EDA: variants seen among roughly 807,000 people sequenced by gnomAD.
EDA encodes ectodysplasin-A.
EDA carries 2 observed loss-of-function variants against 23.6 expected under a neutral mutation model. That is an observed-to-expected ratio of 0.08 (90% confidence interval 0.03 to 0.27). The LOEUF (loss-of-function observed/expected upper bound fraction) is 0.27, where lower values mean the gene tolerates loss of function less well. Among genes scored for constraint, EDA ranks in the 10% least tolerant of loss-of-function variants. EDA has a pLI of 1.00. For missense variants in EDA, 229 were observed against 324.2 expected, an observed-to-expected ratio of 0.71 and a Z score of 2.26; for synonymous variants, 131 against 132.0, an observed-to-expected ratio of 0.99 and a Z score of 0.05.
intron 1 of EDA, among the ~76,000 whole-genome samples, chrX:69,637,423 C>T (rs1932790034): frequency 9.0e-6 from 1 of 111,478 alleles, no homozygotes; most frequent in African/African-American, 3.3e-5. Flanking sequence ...TTGGGAAAGA[C>T]CTGTATCAGA....
intron 1 of EDA, among the ~76,000 whole-genome samples, chrX:69,732,818 T>G (rs2013091782): frequency 8.9e-6 from 1 of 112,197 alleles, no homozygotes; most frequent in African/African-American, 3.2e-5. Context: ...GGTATCTCAT[T>G]GTGATTTTGA....
chrX:69,773,516 T>C (rs915787322), intron 1 of EDA, among the ~76,000 whole-genome samples: 1 of 111,937 alleles, frequency 8.9e-6, no homozygotes, highest in Non-Finnish European at 1.9e-5. Flanking sequence ...TCCACCATTT[T>C]ACATCCCACC....
chrX:69,991,245 T>C (rs2019585301), intron 2 of EDA, among the ~76,000 whole-genome samples: 1 of 111,752 alleles, frequency 8.9e-6, no homozygotes, highest in African/African-American at 3.3e-5. Context: ...TATTGTATTC[T>C]GGACATTTTT....
intron 1 of EDA, among the ~76,000 whole-genome samples, chrX:69,770,718 T>C (rs937851604): frequency 1.1e-5 from 1 of 90,759 alleles, no homozygotes; most frequent in African/African-American, 4.1e-5. Flanking sequence ...GAGCAAAAGA[T>C]TTAATTTGGA....
chrX:70,022,236 T>C (rs2020044388), intron 2 of EDA, among the ~76,000 whole-genome samples: 1 of 111,938 alleles, frequency 8.9e-6, no homozygotes, highest in Non-Finnish European at 1.9e-5. Flanking sequence ...TTCAATTGAT[T>C]AGAATTATTT....
intron 2 of EDA, among the ~76,000 whole-genome samples, chrX:69,963,124 T>C (rs1167166485): frequency 8.9e-6 from 1 of 112,185 alleles, no homozygotes; most frequent in Non-Finnish European, 1.9e-5. Flanking sequence ...TTTCTACTAT[T>C]ATAAAAGAGT....
intron 1 of EDA, among the ~76,000 whole-genome samples, chrX:69,833,870 G>A (rs1475458959): frequency 1.8e-5 from 2 of 109,625 alleles, no homozygotes; most frequent in African/African-American, 3.3e-5. Flanking sequence ...TGTTACATAC[G>A]TATACAGGTG....
chrX:69,849,232 A>G (rs1356063754), intron 1 of EDA, among the ~76,000 whole-genome samples: 1 of 111,142 alleles, frequency 9.0e-6, no homozygotes. Flanking sequence ...TTCTGTGAAC[A>G]ATGATGATGT....
intron 1 of EDA, among the ~76,000 whole-genome samples, chrX:69,670,583 C>A (rs1479129708): frequency 1.8e-5 from 2 of 110,308 alleles, no homozygotes; most frequent in African/African-American, 6.6e-5. Context: ...GTCCCATAGG[C>A]TGTTTTCACT....
intron 1 of EDA, among the ~76,000 whole-genome samples, chrX:69,715,234 C>T (rs895506708): frequency 1.0e-4 from 11 of 109,908 alleles, no homozygotes; most frequent in Non-Finnish European, 1.5e-4. Flanking sequence ...GATCCTCTCC[C>T]TCTTCTCACC....
intron 1 of EDA, among the ~76,000 whole-genome samples, chrX:69,777,144 TTTGTTGTTG>T (rs140366037): frequency 6.6e-5 from 7 of 106,794 alleles, no homozygotes; most frequent in Admixed American, 1.0e-4. Context: ...GATTCTGGGT[TTTGTTGTTG>T]TTGTTGTTGT....
intron 1 of EDA, among the ~76,000 whole-genome samples, chrX:69,924,767 T>C (rs940685354): frequency 8.9e-6 from 1 of 112,371 alleles, no homozygotes; most frequent in Admixed American, 9.4e-5. Flanking sequence ...ATACTGATTC[T>C]TCCTATCCTT....
intron 1 of EDA, among the ~76,000 whole-genome samples, chrX:69,891,267 A>G (rs1326350531): frequency 9.0e-6 from 1 of 111,663 alleles, no homozygotes; most frequent in Non-Finnish European, 1.9e-5. Context: ...AAAAACAAAC[A>G]CTTTTACACT....
At chrX:69,760,785 G>A (rs758209166) in intron 1 of EDA, among the ~76,000 whole-genome samples, 1 of 111,649 alleles carries the variant, frequency 9.0e-6, no homozygotes, top group Admixed American at 9.6e-5. Context: ...CTTAGCAGAC[G>A]GATCAAGGAA....
At chrX:69,765,350 G>T (rs1035272624) in intron 1 of EDA, among the ~76,000 whole-genome samples, 1 of 112,273 alleles carries the variant, frequency 8.9e-6, no homozygotes, top group Non-Finnish European at 1.9e-5. Context: ...TTCTCTAGTG[G>T]TGAGTAACCT....
intron 1 of EDA, among the ~76,000 whole-genome samples, chrX:69,676,421 G>A (rs1424184463): frequency 9.0e-6 from 1 of 111,315 alleles, no homozygotes; most frequent in East Asian, 2.8e-4. Flanking sequence ...TGGCATGTGA[G>A]AGGAAACAGG....
At chrX:69,616,817 G>A in intron 1 of EDA, 113 bp downstream of exon 1, 1 of 1,001,036 alleles carries the variant, frequency 1.0e-6, no homozygotes, top group Non-Finnish European at 1.4e-6. Flanking sequence ...TTAGAGGGCA[G>A]GACCAGGGAG....
At chrX:69,666,447 C>T (rs1933686003) in intron 1 of EDA, among the ~76,000 whole-genome samples, 1 of 112,284 alleles carries the variant, frequency 8.9e-6, no homozygotes, top group African/African-American at 3.2e-5. Context: ...ATAAAATGGC[C>T]TTACATTATG....
chrX:69,910,467 A>G (rs2018250068), intron 1 of EDA, among the ~76,000 whole-genome samples: 1 of 90,736 alleles, frequency 1.1e-5, no homozygotes, highest in South Asian at 5.1e-4. Context: ...TTGAATCTTT[A>G]ATCTATACAT....
Sources: allele counts gnomAD v4.1 joint callset (sites outside exome capture counted in the v4.1 genomes callset), GRCh38; gene constraint gnomAD v4.1.1; transcripts MANE v1.5; gene names NCBI Gene and HGNC (gene_info 2026-07-23, HGNC 2026-07-21).